The following PDLIM1 variants were observed in gnomAD, a reference collection of about 807,000 sequenced individuals.
The protein encoded by PDLIM1 is PDZ and LIM domain 1, also known as PDZ and LIM domain protein 1.
A neutral mutation model predicts 35.2 loss-of-function variants in PDLIM1; 25 were observed. The ratio of observed to expected loss-of-function variants is 0.71; its 90% CI spans 0.52 to 0.99. PDLIM1 has a LOEUF of 0.99. Among genes scored for constraint, PDLIM1 ranks in the 50% least tolerant of loss-of-function variants. The pLI is 0.00. For synonymous variants in PDLIM1, 152 were observed against 154.0 expected (o/e 0.99, Z 0.10); for missense variants, 363 against 415.3 (o/e 0.87, Z 1.09).
Position 95,238,647 on chromosome 10 carries a change from CT to C in PDLIM1, c.723del (p.Ala242LeufsTer31). 6.2e-7 allele frequency: 1 copy of C among 1,613,990 alleles called. No homozygotes were observed. The highest frequency in any genetic ancestry group is 8.5e-7 in the Non-Finnish European group (1 of 1,179,832). On this transcript the variant is annotated frameshift_variant, in exon 6 of 7. Transcript: ENST00000329399. LOFTEE classifies it high-confidence loss of function. ...GACGCAGCCACTTTAGTGACAGGAG[CT>C]TTAACACTTCTGAATCCTGAGGGCT... The part of the protein sequence containing the change: ...PNKPSGFRSV[K>X]APVTKVAASI...
chr10:95,244,622 G>C (rs751308302), intron 5 of PDLIM1, among the ~76,000 whole-genome samples: 1 of 151,772 alleles, frequency 6.6e-6, no homozygotes, highest in African/African-American at 2.4e-5. Context: ...ATTTGGGGCC[G>C]GGTGCAGTGG....
In PDLIM1 at chr10:95,247,277, T is replaced by A; in HGVS notation, c.623A>T (p.Glu208Val). The change falls in exon 5 of 7, where the codon GAG becomes GTG. Residue 208 changes from glutamate (E) to valine (V), a missense_variant. Coordinates refer to ENST00000329399, the MANE Select transcript of PDLIM1 (RefSeq NM_020992.4). ...KMLQEKQELN[E>V]PPKQSTSFLV... ...GAAAGACGTGGACTGTTTCGGGGGC[T>A]CATTCAACTCCTGTTTCTCCTGAAG... 1 of 1,614,110 alleles carries A rather than the reference T, an allele frequency of 6.2e-7. No individual in the cohort carries two copies. The highest frequency in any genetic ancestry group is 8.5e-7 in the Non-Finnish European group (1 of 1,179,972).
chr10:95,251,464 T>A (rs2035267224), intron 4 of PDLIM1, among the ~76,000 whole-genome samples: 1 of 152,042 alleles, frequency 6.6e-6, no homozygotes, highest in Non-Finnish European at 1.5e-5. Flanking sequence ...TAATCCCAGC[T>A]ACTTGGAAGG....
rs142667583 is a variant in PDLIM1, at chr10:95,263,905, C to A, written c.492G>T (p.Glu164Asp). The part of the protein sequence containing the change: ...ENISNFNNAL[E>D]SKTAASGVEA... ...CCACCCCGCTGGCAGCAGTCTTTGA[C>A]TCCAGGGCATTGTTGAAGTTGGAGA... The change falls in exon 4 of 7, where the codon GAG becomes GAT. Residue 164 changes from glutamate to aspartate, a missense_variant. By Grantham distance (45) the Glu-to-Asp change is conservative. Transcript: ENST00000329399. 1 of 1,613,864 alleles carries A rather than the reference C, an allele frequency of 6.2e-7. No individual in the cohort carries two copies.
intron 1 of PDLIM1, among the ~76,000 whole-genome samples, chr10:95,279,453 G>A (rs976099179): frequency 6.6e-6 from 1 of 152,098 alleles, no homozygotes; most frequent in Non-Finnish European, 1.5e-5. Flanking sequence ...ATACAGTATG[G>A]GGAAAAAATA....
At chr10:95,272,811 C>A (rs1343366245) in intron 1 of PDLIM1, among the ~76,000 whole-genome samples, 1 of 152,140 alleles carries the variant, frequency 6.6e-6, no homozygotes, top group African/African-American at 2.4e-5. Flanking sequence ...TGGTTTTCTG[C>A]AGACTGATGC....
intron 5 of PDLIM1, among the ~76,000 whole-genome samples, chr10:95,243,018 C>A (rs2035191219): frequency 6.6e-6 from 1 of 152,156 alleles, no homozygotes; most frequent in Non-Finnish European, 1.5e-5. Context: ...ATAGAAAAAT[C>A]ACCAGGAAAG....
At chr10:95,268,653 C>A in intron 3 of PDLIM1, 125 bp downstream of exon 3, 1 of 705,230 alleles carries the variant, frequency 1.4e-6, no homozygotes, top group Admixed American at 2.1e-5. Flanking sequence ...CAGATACCAG[C>A]AGAGACAGTG....
intron 1 of PDLIM1, among the ~76,000 whole-genome samples, chr10:95,281,448 C>T (rs1403361076): frequency 6.6e-6 from 1 of 152,130 alleles, no homozygotes; most frequent in Non-Finnish European, 1.5e-5. Context: ...CATGTAGTCC[C>T]AGCTACTCAA....
At chr10:95,279,674 T>A (rs2035543756) in intron 1 of PDLIM1, among the ~76,000 whole-genome samples, 2 of 152,210 alleles carry the variant, frequency 1.3e-5, no homozygotes, top group African/African-American at 4.8e-5. Flanking sequence ...CAAAACGTTG[T>A]CCCTGTGCTA....
At chr10:95,265,593 CAAAAA>C (rs56893525) in intron 3 of PDLIM1, among the ~76,000 whole-genome samples, 6,224 of 83,772 alleles carry the variant, frequency 0.074, 216 homozygotes, top group South Asian at 0.17. Flanking sequence ...GGAACTCTGT[CAAAAA>C]AAAAAAAAAA....
In PDLIM1 at chr10:95,290,136, A is replaced by G. The variant is rs942920691; in HGVS notation, c.96+684T>C. On this transcript the variant is annotated intron_variant, in intron 1 of 6. Transcript: ENST00000329399. This position sits in a 1 kb window ranked among gnomAD's most constrained non-coding sequence, Gnocchi z 4.7. ...CGCAGTATCTACTCATGCCCTGAGAAAAAAGGGCTGGTGCGGGGAGGGGAA... is the reference window on the plus strand; with the variant it reads ...CGCAGTATCTACTCATGCCCTGAGAGAAAAGGGCTGGTGCGGGGAGGGGAA... 6.6e-6 allele frequency among the ~76,000 whole-genome samples: 1 copy of G among 152,118 alleles called. No individual in the cohort carries two copies. The highest frequency in any genetic ancestry group is 6.5e-5 in the Admixed American group (1 of 15,272).
At chr10:95,282,095 AAAG>A (rs2035565958) in intron 1 of PDLIM1, among the ~76,000 whole-genome samples, 1 of 152,270 alleles carries the variant, frequency 6.6e-6, no homozygotes, top group Admixed American at 6.5e-5. Flanking sequence ...CAACTGGGAT[AAAG>A]AAATGTGAGA....
In PDLIM1 at chr10:95,244,313, A is replaced by G. The variant is rs367594686; in HGVS notation, c.685+2902T>C. Among the ~76,000 whole-genome samples, 8 of 152,314 alleles carry G rather than the reference A, an allele frequency of 5.3e-5. No homozygotes were observed. The East Asian group carries it at 1.3e-3, about 26-fold the overall frequency. On this transcript the variant is annotated intron_variant, in intron 5 of 6. Coordinates refer to ENST00000329399, the MANE Select transcript of PDLIM1 (RefSeq NM_020992.4). ...TGCTGTAGCCAAGCTTCCTTCAGGG[A>G]GGGGCCTTACTCACTGTGCACCTGG...
At chr10:95,283,733 A>G (rs1251969458) in intron 1 of PDLIM1, among the ~76,000 whole-genome samples, 1 of 152,236 alleles carries the variant, frequency 6.6e-6, no homozygotes, top group Non-Finnish European at 1.5e-5. Context: ...ACATGTATAC[A>G]GCACAAATGG....
At chr10:95,280,864 GTGA>G (rs959399278) in intron 1 of PDLIM1, among the ~76,000 whole-genome samples, 24 of 152,266 alleles carry the variant, frequency 1.6e-4, no homozygotes, top group African/African-American at 5.5e-4. Flanking sequence ...TCAGCCAACT[GTGA>G]TATTTGCAAG....
At chr10:95,253,145 T>C (rs900671462) in intron 4 of PDLIM1, among the ~76,000 whole-genome samples, 1 of 152,044 alleles carries the variant, frequency 6.6e-6, no homozygotes, top group African/African-American at 2.4e-5. Context: ...TGACGCCTTA[T>C]CTAGAGGGGA....
intron 5 of PDLIM1, among the ~76,000 whole-genome samples, chr10:95,242,790 A>T (rs45619340): frequency 0.091 from 13,832 of 152,120 alleles, 707 homozygotes; most frequent in Middle Eastern, 0.27. Context: ...TTCTCTAAGC[A>T]TCATGCCTCA....
intron 4 of PDLIM1, among the ~76,000 whole-genome samples, chr10:95,251,227 T>C (rs2035264957): frequency 7.1e-6 from 1 of 140,066 alleles, no homozygotes; most frequent in Non-Finnish European, 1.6e-5. Context: ...AGTGAGGATA[T>C]AAGGGGCTTT....
Sources: allele counts gnomAD v4.1 joint callset (sites outside exome capture counted in the v4.1 genomes callset), GRCh38; gene constraint gnomAD v4.1.1; non-coding constraint Gnocchi (gnomAD v3.1); transcripts MANE v1.5; gene names NCBI Gene and HGNC (gene_info 2026-07-23, HGNC 2026-07-21).